The following ROBO2 variants were observed in gnomAD, a reference collection of about 807,000 sequenced individuals.
ROBO2 encodes roundabout guidance receptor 2.
ROBO2 carries 53 observed loss-of-function variants against 160.8 expected under a neutral mutation model. The ratio of observed to expected loss-of-function variants is 0.33; its 90% CI spans 0.26 to 0.41. The LOEUF is 0.41. Ranked by LOEUF, ROBO2 falls within the 10% of genes least tolerant of loss-of-function variation. The pLI, the probability that ROBO2 is intolerant of heterozygous loss-of-function variation, is 1.00. For missense variants in ROBO2, 1,577 were observed against 1,722.4 expected (o/e 0.92, Z 1.49); for synonymous variants, 664 against 611.7 (o/e 1.09, Z -1.26).
intron 2 of ROBO2, among the ~76,000 whole-genome samples, chr3:76,288,855 T>C (rs1708662860): frequency 6.6e-6 from 1 of 152,238 alleles, no homozygotes; most frequent in African/African-American, 2.4e-5. Context: ...TATTCTATTG[T>C]ATATCTGTAC....
At chr3:76,946,337 C>T (rs1156727294) in intron 2 of ROBO2, among the ~76,000 whole-genome samples, 2 of 152,066 alleles carry the variant, frequency 1.3e-5, no homozygotes, top group East Asian at 1.9e-4. Context: ...TTCTCACACA[C>T]GTACTGATTA....
Position 77,325,915 on chromosome 3 carries a change from C to T in ROBO2, c.389-151499C>T, listed in dbSNP as rs926544552. 5.3e-5 allele frequency among the ~76,000 whole-genome samples: 8 copies of T among 152,258 alleles called. No individual in the cohort carries two copies. The South Asian group carries it at 8.3e-4, about 16-fold the overall frequency. ...ATGCAAACAATCTGGTTCCAAGATC[C>T]GTGCTTTCACCTTGAGTTACATGGT... On this transcript the variant is annotated intron_variant, in intron 2 of 25. Coordinates refer to ENST00000461745, the Ensembl canonical transcript of ROBO2.
chr3:76,458,507 C>T (rs542470374), intron 2 of ROBO2, among the ~76,000 whole-genome samples: 1 of 152,278 alleles, frequency 6.6e-6, no homozygotes, highest in African/African-American at 2.4e-5. Context: ...TTCCTGTCTT[C>T]TTCTTAGCCC....
chr3:76,171,806 TAAAG>T (rs1488176650), intron 2 of ROBO2, among the ~76,000 whole-genome samples: 1 of 152,072 alleles, frequency 6.6e-6, no homozygotes. Context: ...CTAAATATCT[TAAAG>T]AACCCTATTA....
chr3:77,217,140 T>C (rs1159544738), intron 2 of ROBO2, among the ~76,000 whole-genome samples: 1 of 151,978 alleles, frequency 6.6e-6, no homozygotes, highest in East Asian at 1.9e-4. Context: ...TCTTTTCTTT[T>C]CTTTCCTTTT....
At chr3:76,447,357 C>T (rs968017335) in intron 2 of ROBO2, among the ~76,000 whole-genome samples, 2 of 151,654 alleles carry the variant, frequency 1.3e-5, no homozygotes, top group Non-Finnish European at 2.9e-5. Flanking sequence ...ATCTCACACC[C>T]GTTAGAATGG....
intron 2 of ROBO2, among the ~76,000 whole-genome samples, chr3:76,383,699 T>G (rs941342936): frequency 7.9e-5 from 12 of 151,818 alleles, no homozygotes; most frequent in Admixed American, 1.3e-4. Context: ...AACTTTATGG[T>G]GGTCACAGGT....
intron 13 of ROBO2, 80 bp downstream of exon 14, chr3:77,568,514 A>C: frequency 6.5e-7 from 1 of 1,536,080 alleles, no homozygotes; most frequent in Non-Finnish European, 9.0e-7. Context: ...ATGAACAAAG[A>C]GTGATAATAA....
chr3:75,910,603 G>A (rs1369245329), intron 1 of ROBO2, among the ~76,000 whole-genome samples: 3 of 152,126 alleles, frequency 2.0e-5, no homozygotes, highest in Admixed American at 6.5e-5. Context: ...AGTAGTAGAT[G>A]AAATTTAATG....
intron 2 of ROBO2, among the ~76,000 whole-genome samples, chr3:77,439,175 A>T (rs532093095): frequency 6.6e-6 from 1 of 152,116 alleles, no homozygotes; most frequent in African/African-American, 2.4e-5. Context: ...CATTCTATTT[A>T]CTATTATCCA....
chr3:76,111,724 C>T (rs2108238493), intron 2 of ROBO2, among the ~76,000 whole-genome samples: 1 of 152,198 alleles, frequency 6.6e-6, no homozygotes, highest in South Asian at 2.1e-4. Flanking sequence ...GTTACCTTTC[C>T]TGCCTCCACC....
At chr3:76,193,878 A>G (rs1028822950) in intron 2 of ROBO2, among the ~76,000 whole-genome samples, 1 of 152,102 alleles carries the variant, frequency 6.6e-6, no homozygotes, top group African/African-American at 2.4e-5. Flanking sequence ...TATGTGTTCT[A>G]TTTTCAGAAT....
chr3:77,100,503 C>T (rs78618247), intron 2 of ROBO2, among the ~76,000 whole-genome samples: 8,821 of 151,698 alleles, frequency 0.058, 336 homozygotes, highest in Middle Eastern at 0.13. Context: ...TATGTATTTT[C>T]ATAAAATGAC....
intron 2 of ROBO2, among the ~76,000 whole-genome samples, chr3:76,566,207 C>T (rs778252252): frequency 1.1e-4 from 17 of 152,292 alleles, no homozygotes; most frequent in South Asian, 2.1e-4. Flanking sequence ...TGAGGTCTGA[C>T]GTGCTACAGT....
chr3:75,927,603 AAT>A (rs1947338836), intron 1 of ROBO2, among the ~76,000 whole-genome samples: 1 of 152,352 alleles, frequency 6.6e-6, no homozygotes, highest in Non-Finnish European at 1.5e-5. Flanking sequence ...GGTAGCACAA[AAT>A]ATATGTTCCA....
chr3:76,009,381 G>T (rs985167543), intron 2 of ROBO2, among the ~76,000 whole-genome samples: 2 of 152,188 alleles, frequency 1.3e-5, no homozygotes, highest in Non-Finnish European at 2.9e-5. Flanking sequence ...GGGATTACAG[G>T]CGTAAGCCAC....
intron 2 of ROBO2, among the ~76,000 whole-genome samples, chr3:77,461,086 GAAA>G (rs977739568): frequency 1.3e-5 from 2 of 151,720 alleles, no homozygotes; most frequent in Non-Finnish European, 1.5e-5. Flanking sequence ...TTTTATAATT[GAAA>G]AAAACAACAA....
At chr3:76,332,461 A>T (rs2073564261) in intron 2 of ROBO2, among the ~76,000 whole-genome samples, 1 of 152,168 alleles carries the variant, frequency 6.6e-6, no homozygotes, top group African/African-American at 2.4e-5. Context: ...ATTATTAAAA[A>T]TTTTAAATGT....
intron 2 of ROBO2, among the ~76,000 whole-genome samples, chr3:76,238,478 T>C (rs1362115166): frequency 6.6e-6 from 1 of 150,710 alleles, no homozygotes; most frequent in Non-Finnish European, 1.5e-5. Flanking sequence ...GGCTTCCCCC[T>C]AGACACAAGG....
Sources: allele counts gnomAD v4.1 joint callset (sites outside exome capture counted in the v4.1 genomes callset), GRCh38; gene constraint gnomAD v4.1.1; transcripts MANE v1.5; gene names NCBI Gene and HGNC (gene_info 2026-07-23, HGNC 2026-07-21).